The following ARL15 variants were observed in gnomAD, a reference collection of about 807,000 sequenced individuals.
ARL15 encodes ARF like GTPase 15.
In ARL15, 19 loss-of-function variants were observed where a neutral mutation model predicts 25.2. The ratio of observed to expected loss-of-function variants is 0.75; its 90% CI spans 0.53 to 1.10. The LOEUF (loss-of-function observed/expected upper bound fraction) is 1.10, where lower values mean the gene tolerates loss of function less well. Ranked by LOEUF, ARL15 falls within the 50% of genes least tolerant of loss-of-function variation. ARL15 has a pLI of 0.00. For missense variants in ARL15, 220 were observed against 246.0 expected (o/e 0.89, Z 0.71); for synonymous variants, 94 against 86.8 (o/e 1.08, Z -0.46).
chr5:54,106,864 G>T (rs1303119799), intron 4 of ARL15, among the ~76,000 whole-genome samples: 3 of 152,018 alleles, frequency 2.0e-5, no homozygotes, highest in African/African-American at 7.2e-5. Context: ...CTAATATTAT[G>T]ATTTGGATAA....
chr5:54,111,869 G>A (rs1752751891), intron 4 of ARL15, among the ~76,000 whole-genome samples: 1 of 152,142 alleles, frequency 6.6e-6, no homozygotes, highest in Non-Finnish European at 1.5e-5. Flanking sequence ...AACTGATGCT[G>A]AGAAGTTAAA....
At chr5:53,986,551 A>T (rs1451381612) in intron 4 of ARL15, among the ~76,000 whole-genome samples, 1 of 152,226 alleles carries the variant, frequency 6.6e-6, no homozygotes, top group South Asian at 2.1e-4. Context: ...CATTTTATCA[A>T]ACACTCCAGA....
At chr5:53,922,216 G>A (rs1745878010) in intron 4 of ARL15, among the ~76,000 whole-genome samples, 1 of 152,034 alleles carries the variant, frequency 6.6e-6, no homozygotes, top group African/African-American at 2.4e-5. Flanking sequence ...TCTCCTTTAA[G>A]TCTGAAGTCT....
intron 1 of ARL15, among the ~76,000 whole-genome samples, chr5:54,207,870 T>C (rs1755915993): frequency 6.6e-6 from 1 of 152,212 alleles, no homozygotes; most frequent in African/African-American, 2.4e-5. Flanking sequence ...TCTCTCCGAT[T>C]TCACAAGCTG....
intron 1 of ARL15, among the ~76,000 whole-genome samples, chr5:54,277,566 A>G (rs969370303): frequency 2.0e-5 from 3 of 152,138 alleles, no homozygotes; most frequent in African/African-American, 7.2e-5. Flanking sequence ...CCTAGCTAAC[A>G]TGGTGAAACC....
chr5:54,228,315 A>T (rs1756578042), intron 1 of ARL15, among the ~76,000 whole-genome samples: 1 of 152,214 alleles, frequency 6.6e-6, no homozygotes, highest in African/African-American at 2.4e-5. Context: ...CCTGAGATAC[A>T]TACTGCTAAT....
At chr5:54,132,143 T>TAATATGCC (rs1300551537) in intron 3 of ARL15, among the ~76,000 whole-genome samples, 1 of 152,122 alleles carries the variant, frequency 6.6e-6, no homozygotes, top group Non-Finnish European at 1.5e-5. Flanking sequence ...ACAAATATTT[T>TAATATGCC]AATATGCCAA....
At chr5:54,008,818 T>C (rs990498209) in intron 4 of ARL15, among the ~76,000 whole-genome samples, 8 of 152,246 alleles carry the variant, frequency 5.3e-5, no homozygotes, top group Non-Finnish European at 2.9e-5. Context: ...TAGATTAAAA[T>C]GTTAATACTT....
intron 1 of ARL15, among the ~76,000 whole-genome samples, chr5:54,287,501 T>A (rs1005281100): frequency 1.3e-5 from 2 of 150,694 alleles, no homozygotes; most frequent in Non-Finnish European, 1.5e-5. Flanking sequence ...GCATTCCAGA[T>A]AAAAGTGAAA....
At chr5:53,892,283 T>G (rs535105598) in intron 4 of ARL15, among the ~76,000 whole-genome samples, 8 of 152,334 alleles carry the variant, frequency 5.3e-5, no homozygotes, top group African/African-American at 1.9e-4. Context: ...TGAAGGAGTC[T>G]AGGTTGACAA....
chr5:54,015,144 A>AAAAT (rs1749378021), intron 4 of ARL15, among the ~76,000 whole-genome samples: 1 of 151,902 alleles, frequency 6.6e-6, no homozygotes, highest in African/African-American at 2.4e-5. Flanking sequence ...AATACAAAAA[A>AAAAT]CTAGCCAGGC....
chr5:54,073,544 A>G (rs754906053), intron 4 of ARL15, among the ~76,000 whole-genome samples: 27 of 152,242 alleles, frequency 1.8e-4, no homozygotes, highest in Admixed American at 3.3e-4. Context: ...TCATTTAAAG[A>G]TATGGCTGGC....
At chr5:53,902,080 G>A (rs914154046) in intron 4 of ARL15, among the ~76,000 whole-genome samples, 6 of 152,124 alleles carry the variant, frequency 3.9e-5, no homozygotes, top group African/African-American at 1.2e-4. Context: ...GTAACTTAAC[G>A]TTAGCTGACA....
intron 4 of ARL15, among the ~76,000 whole-genome samples, chr5:53,899,270 C>A (rs1301453369): frequency 7.0e-6 from 1 of 143,702 alleles, no homozygotes; most frequent in South Asian, 2.2e-4. Context: ...ATCGCTTGAA[C>A]CTGGGAGGCA....
At chr5:54,047,083 C>G (rs1750545862) in intron 4 of ARL15, among the ~76,000 whole-genome samples, 1 of 152,114 alleles carries the variant, frequency 6.6e-6, no homozygotes, top group Non-Finnish European at 1.5e-5. Context: ...AGTGAAAGAG[C>G]CAAAATTCAA....
At chr5:53,926,616 T>C (rs1328337108) in intron 4 of ARL15, among the ~76,000 whole-genome samples, 10 of 152,160 alleles carry the variant, frequency 6.6e-5, no homozygotes, top group Admixed American at 5.2e-4. Flanking sequence ...AAATTGACAG[T>C]GAGTGGCTTC....
At chr5:54,029,309 C>CACCACCACCACCACCACCACCACT (rs1339857880) in intron 4 of ARL15, among the ~76,000 whole-genome samples, 1 of 115,392 alleles carries the variant, frequency 8.7e-6, no homozygotes, top group Non-Finnish European at 1.8e-5. Flanking sequence ...AAACAGTTAC[C>CACCACCACCACCACCACCACCACT]ACCACCACCA....
intron 3 of ARL15, among the ~76,000 whole-genome samples, chr5:54,138,586 A>C (rs2112301741): frequency 6.6e-6 from 1 of 152,306 alleles, no homozygotes; most frequent in South Asian, 2.1e-4. Context: ...AACCTAGGAA[A>C]AACACTTCTG....
At chr5:53,933,462 G>A (rs1033431182) in intron 4 of ARL15, among the ~76,000 whole-genome samples, 1 of 151,870 alleles carries the variant, frequency 6.6e-6, no homozygotes, top group African/African-American at 2.4e-5. Context: ...TGGCTAACAC[G>A]GTGAAACCCC....
Sources: allele counts gnomAD v4.1 joint callset (sites outside exome capture counted in the v4.1 genomes callset), GRCh38; gene constraint gnomAD v4.1.1; transcripts MANE v1.5; gene names NCBI Gene and HGNC (gene_info 2026-07-23, HGNC 2026-07-21).